Variants in ZNF423 observed in about 807,000 individuals in gnomAD.
ZNF423 encodes the protein Ebf-associated zinc finger protein.
ZNF423 carries 12 observed loss-of-function variants against 95.8 expected under a neutral mutation model. The ratio of observed to expected loss-of-function variants is 0.13; its 90% CI spans 0.08 to 0.20. The LOEUF (loss-of-function observed/expected upper bound fraction) is 0.20. Ranked by LOEUF, ZNF423 falls within the 10% of genes least tolerant of loss-of-function variation. ZNF423 has a pLI of 1.00. For missense variants in ZNF423, 1,316 were observed against 1,737.1 expected (o/e 0.76, Z 4.31); for synonymous variants, 749 against 711.9 (o/e 1.05, Z -0.83).
intron 3 of ZNF423, among the ~76,000 whole-genome samples, chr16:49,710,750 C>T (rs1467799325): frequency 1.3e-5 from 2 of 152,200 alleles, no homozygotes; most frequent in African/African-American, 4.8e-5. Flanking sequence ...AGCTCCATAC[C>T]AGTCAAGAGG....
chr16:49,658,678 G>A (rs1471467547), intron 3 of ZNF423, among the ~76,000 whole-genome samples: 1 of 152,244 alleles, frequency 6.6e-6, no homozygotes, highest in Non-Finnish European at 1.5e-5. Context: ...ACCACGAGGA[G>A]GAGGAGTTCC....
intron 2 of ZNF423, among the ~76,000 whole-genome samples, chr16:49,738,817 C>T (rs750036737): frequency 3.3e-5 from 5 of 151,970 alleles, no homozygotes; most frequent in Non-Finnish European, 5.9e-5. Flanking sequence ...GATGGGAGAC[C>T]ATACCACCCA....
intron 7 of ZNF423, among the ~76,000 whole-genome samples, chr16:49,506,944 G>A (rs1222088957): frequency 6.6e-6 from 1 of 152,144 alleles, no homozygotes; most frequent in East Asian, 1.9e-4. Flanking sequence ...TAAATGTGTA[G>A]ATGAATGGAT....
intron 5 of ZNF423, among the ~76,000 whole-genome samples, chr16:49,557,847 C>G (rs1311024287): frequency 1.3e-5 from 2 of 152,140 alleles, no homozygotes; most frequent in Non-Finnish European, 2.9e-5. Flanking sequence ...TCCAGCCCTG[C>G]AAGGAAGTGA....
chr16:49,563,289 C>G (rs138503689), intron 5 of ZNF423, among the ~76,000 whole-genome samples: 12 of 152,116 alleles, frequency 7.9e-5, no homozygotes, highest in Non-Finnish European at 1.6e-4. Flanking sequence ...GCACCTCCCC[C>G]CTCCCTCTTG....
chr16:49,588,795 G>A (rs753457849), intron 5 of ZNF423, among the ~76,000 whole-genome samples: 4 of 152,226 alleles, frequency 2.6e-5, no homozygotes, highest in African/African-American at 4.8e-5. Context: ...GGAAAATAGT[G>A]GGAAAGTGCT....
At chr16:49,794,077 T>C (rs2034460194) in intron 1 of ZNF423, among the ~76,000 whole-genome samples, 1 of 151,978 alleles carries the variant, frequency 6.6e-6, no homozygotes, top group Non-Finnish European at 1.5e-5. Flanking sequence ...TTCTCTGTTG[T>C]CTAGGCTGGA....
intron 4 of ZNF423, among the ~76,000 whole-genome samples, chr16:49,627,787 T>C (rs577402653): frequency 4.7e-5 from 6 of 127,546 alleles, no homozygotes; most frequent in African/African-American, 1.5e-4. Flanking sequence ...CCCATCTACA[T>C]ACATTCCCAC....
In ZNF423 at chr16:49,490,328, A is replaced by G. The variant is rs535264410; in HGVS notation, c.*947T>C. The G allele has an allele frequency of 6.6e-6, 1 of 152,330 alleles. No individual in the cohort carries two copies. Among genetic ancestry groups the G allele is most frequent in the East Asian group, 1.9e-4 (1 of 5,186 alleles). 9.4% of individuals were successfully genotyped at this position (152,330 alleles called of 1,614,324 possible). ...CGTGGCCTTGGGAAAGCTGCACGTTACCCTTGGGCCTCTGTTTCCCCATCC... is the reference window on the plus strand; with the variant it reads ...CGTGGCCTTGGGAAAGCTGCACGTTGCCCTTGGGCCTCTGTTTCCCCATCC... On this transcript the variant is annotated 3_prime_UTR_variant, in exon 8 of 8. Transcript: ENST00000563137.
rs2151884868 is a variant in ZNF423, at chr16:49,637,522, C to T, written c.1654G>A (p.Gly552Ser). The change falls in exon 4 of 8, where the codon GGC (glycine) becomes AGC (serine). Residue 552 changes from glycine (G) to serine (S), a missense_variant. This residue lies in a region of ZNF423 where 399 missense variants were observed against 478.5 expected (regional missense o/e 0.83). Coordinates refer to ENST00000563137, the MANE Select transcript of ZNF423 (RefSeq NM_001379286.1). This position sits in a 1 kb window ranked among gnomAD's most constrained non-coding sequence, Gnocchi z 5.6. The part of the protein sequence containing the change: ...EHIQQAHCSV[G>S]SAKLESPVVQ... ...ACCGGAGACTCTAGTTTGGCACTGC[C>T]CACACTGCAGTGGGCCTGCTGGATG... 1.2e-6 allele frequency: 2 copies of T among 1,613,956 alleles called. No individual in the cohort carries two copies. Among genetic ancestry groups the T allele is most frequent in the East Asian group, 2.2e-5 (1 of 44,858 alleles).
intron 3 of ZNF423, among the ~76,000 whole-genome samples, chr16:49,702,444 G>C (rs986797274): frequency 1.3e-5 from 2 of 152,210 alleles, no homozygotes; most frequent in African/African-American, 2.4e-5. Context: ...CAGCTGTGAC[G>C]GCCCTTGTAT....
chr16:49,771,321 G>A (rs2034031710), intron 2 of ZNF423, among the ~76,000 whole-genome samples: 1 of 148,856 alleles, frequency 6.7e-6, no homozygotes, highest in African/African-American at 2.5e-5. Flanking sequence ...TCCTGCCTCA[G>A]CCTCCTGAGA....
chr16:49,677,495 G>C (rs934608293), intron 3 of ZNF423, among the ~76,000 whole-genome samples: 5 of 151,736 alleles, frequency 3.3e-5, no homozygotes, highest in Admixed American at 6.6e-5. Flanking sequence ...GGAAAGAAAA[G>C]AAAAGAATTT....
At chr16:49,804,466 C>T (rs1234841714) in intron 1 of ZNF423, among the ~76,000 whole-genome samples, 2 of 152,096 alleles carry the variant, frequency 1.3e-5, no homozygotes, top group African/African-American at 2.4e-5. Flanking sequence ...TAGGTAGCCT[C>T]GCCCCACCCA....
rs117799019 is a variant in ZNF423 at position 49,705,962 on chromosome 16, A to G, written c.301+24809T>C. Among the ~76,000 whole-genome samples, 34 of 152,318 alleles carry G rather than the reference A, an allele frequency of 2.2e-4. No homozygotes were observed. In the East Asian group the frequency reaches 6.6e-3, roughly 29 times the overall value. ...CCCCAGAGAAGGCACGTGGACGACC[A>G]TCTGTGTAGAGGTCAGGAAAGGCTT... On this transcript the variant is annotated intron_variant, in intron 3 of 7. Coordinates refer to ENST00000563137, the MANE Select transcript of ZNF423 (RefSeq NM_001379286.1).
chr16:49,731,071 T>G, intron 2 of ZNF423, 100 bp from the exon 3 acceptor site: 1 of 1,360,416 alleles, frequency 7.4e-7, no homozygotes, highest in Non-Finnish European at 1.0e-6. Context: ...TTAATTACTC[T>G]ACCTCCCGGG....
chr16:49,743,488 C>G (rs2033457608), intron 2 of ZNF423, among the ~76,000 whole-genome samples: 1 of 152,164 alleles, frequency 6.6e-6, no homozygotes, highest in Non-Finnish European at 1.5e-5. Context: ...TGGTACACAG[C>G]AGGTGATTAA....
intron 5 of ZNF423, among the ~76,000 whole-genome samples, chr16:49,568,226 T>C (rs1970252621): frequency 6.6e-6 from 1 of 151,900 alleles, no homozygotes; most frequent in Non-Finnish European, 1.5e-5. Flanking sequence ...ATTATGGAGG[T>C]TAAAGGACTC....
In ZNF423 at chr16:49,776,968, G is replaced by A. The variant is rs572395949; in HGVS notation, c.100+12519C>T. Among the ~76,000 whole-genome samples the A allele has an allele frequency of 3.9e-5, 6 of 152,366 alleles. No homozygotes were observed. In the East Asian group the frequency reaches 5.8e-4, roughly 15 times the overall value. ...GCCTGGGTGTGGATGAGTGAATGCT[G>A]CATATGTGTGTATGCCTCTGTATGT... On this transcript the variant is annotated intron_variant, in intron 2 of 7. Transcript: ENST00000563137.
Sources: gnomAD v4.1 joint callset for allele counts (sites outside exome capture counted in the v4.1 genomes callset) on GRCh38, gnomAD v4.1.1 for gene constraint, gnomAD v4.1.1 regional missense constraint, Gnocchi (gnomAD v3.1) non-coding constraint, MANE v1.5 for transcripts, NCBI Gene and HGNC (gene_info 2026-07-23, HGNC 2026-07-21) for gene names.